The following MBD5 variants were observed in gnomAD, a reference collection of about 807,000 sequenced individuals.
The protein encoded by MBD5 is methyl-CpG-binding domain protein 5.
In MBD5, 13 loss-of-function variants were observed where a neutral mutation model predicts 117.3. That is an observed-to-expected ratio of 0.11 (90% CI 0.07 to 0.18). The LOEUF (loss-of-function observed/expected upper bound fraction) is 0.18. MBD5 is among the 10% of genes least tolerant of loss of function. MBD5 has a pLI of 1.00. For synonymous variants in MBD5, 727 were observed against 766.4 expected, an observed-to-expected ratio of 0.95 and a Z score of 0.85; for missense variants, 1,879 against 2,093.8, an observed-to-expected ratio of 0.90 and a Z score of 2.00.
chr2:148,349,236 A>G (rs942955972), intron 4 of MBD5, among the ~76,000 whole-genome samples: 12 of 151,932 alleles, frequency 7.9e-5, no homozygotes, highest in African/African-American at 2.4e-4. Flanking sequence ...TACCAATGCT[A>G]TTTAATCTCA....
In MBD5 at chr2:148,349,165, C is replaced by T. The variant is rs115089606; in HGVS notation, c.-557+6829C>T. On this transcript the variant is annotated intron_variant, in intron 4 of 13. Coordinates refer to ENST00000642680, the MANE Select transcript of MBD5 (RefSeq NM_001378120.1). ...AGGTCTCAGTAGTTAAAAAGCGCTACGCTAAATTCTAGGTTTCTGTAAGTG... is the reference window on the plus strand; with the variant it reads ...AGGTCTCAGTAGTTAAAAAGCGCTATGCTAAATTCTAGGTTTCTGTAAGTG... 3.8e-3 allele frequency among the ~76,000 whole-genome samples: 572 copies of T among 151,932 alleles called. 3 individuals are homozygous for T. Among genetic ancestry groups the T allele is most frequent in the African/African-American group, 0.013 (528 of 41,490 alleles).
chr2:148,347,909 T>A (rs1703160626), intron 4 of MBD5, among the ~76,000 whole-genome samples: 1 of 151,936 alleles, frequency 6.6e-6, no homozygotes, highest in Non-Finnish European at 1.5e-5. Flanking sequence ...AATGCCACTT[T>A]TACTAGTAGA....
At chr2:148,497,440 T>G (rs940515602) in intron 11 of MBD5, among the ~76,000 whole-genome samples, 1 of 152,056 alleles carries the variant, frequency 6.6e-6, no homozygotes, top group African/African-American at 2.4e-5. Flanking sequence ...ATGATCCCAG[T>G]GCTTTGGGAG....
At chr2:148,474,821 G>A (rs1051878260) in intron 8 of MBD5, among the ~76,000 whole-genome samples, 1 of 152,094 alleles carries the variant, frequency 6.6e-6, no homozygotes, top group African/African-American at 2.4e-5. Flanking sequence ...TAAGACAATG[G>A]AATAGTGAGA....
chr2:148,064,940 T>C (rs1296353042), intron 1 of MBD5, among the ~76,000 whole-genome samples: 1 of 152,164 alleles, frequency 6.6e-6, no homozygotes, highest in Non-Finnish European at 1.5e-5. Flanking sequence ...GCTGAAATTA[T>C]GTATTACAGT....
chr2:148,154,638 G>C (rs542319078), intron 1 of MBD5, among the ~76,000 whole-genome samples: 20 of 152,334 alleles, frequency 1.3e-4, no homozygotes, highest in African/African-American at 4.6e-4. Context: ...CTCATGGTGT[G>C]CCTTTTTTTA....
chr2:148,102,682 CACAG>C (rs1345639981), intron 1 of MBD5, among the ~76,000 whole-genome samples: 1 of 148,084 alleles, frequency 6.8e-6, no homozygotes, highest in Non-Finnish European at 1.5e-5. Context: ...CACACACACA[CACAG>C]AGAGAGAGAG....
intron 3 of MBD5, among the ~76,000 whole-genome samples, chr2:148,315,970 T>C (rs1255776985): frequency 1.3e-5 from 2 of 152,212 alleles, no homozygotes; most frequent in African/African-American, 2.4e-5. Flanking sequence ...ACAGGAAGCA[T>C]GGCTGGGGAA....
At chr2:148,261,216 T>C (rs1331540055) in intron 3 of MBD5, among the ~76,000 whole-genome samples, 3 of 152,184 alleles carry the variant, frequency 2.0e-5, no homozygotes, top group Non-Finnish European at 4.4e-5. Context: ...CATTAGCCTC[T>C]AACAAGAGAA....
At chr2:148,159,838 G>A (rs1697963831) in intron 1 of MBD5, among the ~76,000 whole-genome samples, 1 of 152,128 alleles carries the variant, frequency 6.6e-6, no homozygotes, top group Admixed American at 6.5e-5. Context: ...ATAAAAGAAA[G>A]CTGAAGTACA....
At chr2:148,431,022 A>G (rs1705968485) in intron 4 of MBD5, among the ~76,000 whole-genome samples, 1 of 152,130 alleles carries the variant, frequency 6.6e-6, no homozygotes, top group Non-Finnish European at 1.5e-5. Context: ...GTCTTTACAC[A>G]TAATGTAACA....
intron 5 of MBD5, 26 bp downstream of exon 5, chr2:148,458,897 A>G (rs762564780): frequency 1.3e-6 from 2 of 1,569,588 alleles, no homozygotes; most frequent in African/African-American, 2.7e-5. Flanking sequence ...TACCTGTGGT[A>G]CCTGCAAAGT....
intron 4 of MBD5, among the ~76,000 whole-genome samples, chr2:148,397,511 A>G (rs1405407106): frequency 6.6e-6 from 1 of 151,358 alleles, no homozygotes; most frequent in Non-Finnish European, 1.5e-5. Context: ...TTTATTTTTT[A>G]CTAGAGACAG....
intron 4 of MBD5, among the ~76,000 whole-genome samples, chr2:148,375,695 G>A (rs115272967): frequency 0.023 from 3,431 of 152,104 alleles, 130 homozygotes; most frequent in African/African-American, 0.078. Context: ...AAATTTGGGG[G>A]CTGTCACAGG....
chr2:148,333,943 A>G (rs1391279000), intron 3 of MBD5, among the ~76,000 whole-genome samples: 1 of 152,194 alleles, frequency 6.6e-6, no homozygotes, highest in Non-Finnish European at 1.5e-5. Flanking sequence ...AGAATGAGAG[A>G]GGGAAAAGTA....
intron 3 of MBD5, among the ~76,000 whole-genome samples, chr2:148,290,492 G>T (rs1701476201): frequency 6.6e-6 from 1 of 151,990 alleles, no homozygotes; most frequent in Non-Finnish European, 1.5e-5. Context: ...CCTTCTAGAT[G>T]AAAGAGGCCT....
intron 1 of MBD5, among the ~76,000 whole-genome samples, chr2:148,154,595 T>TGGGCG (rs1697810492): frequency 6.6e-6 from 1 of 152,170 alleles, no homozygotes; most frequent in Non-Finnish European, 1.5e-5. Context: ...CTCCCTGGGC[T>TGGGCG]TAGGACCCTC....
Position 148,287,555 on chromosome 2 carries a change from T to G in MBD5, c.-680+54160T>G, listed in dbSNP as rs560705630. Among the ~76,000 whole-genome samples, 7 of 152,332 alleles carry G rather than the reference T, an allele frequency of 4.6e-5. No homozygotes were observed. The South Asian group carries it at 1.5e-3, about 32-fold the overall frequency. On this transcript the variant is annotated intron_variant, in intron 3 of 13. Transcript: ENST00000642680. ...TTCAGTCTTCTGAATATGGGAATTG[T>G]CTTAGTCCATTTTGTGTTGCTACAA... is the stretch of plus-strand genomic sequence containing the variant.
chr2:148,024,060 G>A (rs186762109), intron 1 of MBD5, among the ~76,000 whole-genome samples: 1 of 152,108 alleles, frequency 6.6e-6, no homozygotes, highest in African/African-American at 2.4e-5. Context: ...GTCTCCTGAT[G>A]CTCACTATGC....
Sources: gnomAD v4.1 joint callset for allele counts (sites outside exome capture counted in the v4.1 genomes callset) on GRCh38, gnomAD v4.1.1 for gene constraint, MANE v1.5 for transcripts, NCBI Gene and HGNC (gene_info 2026-07-23, HGNC 2026-07-21) for gene names.